The following AP4S1 variants were observed in gnomAD, a reference collection of about 807,000 sequenced individuals.
The protein encoded by AP4S1 is AP-4 complex subunit sigma-1.
In AP4S1, 23 loss-of-function variants were observed where a neutral mutation model predicts 19.8. The observed-to-expected ratio is 1.16, with a 90% CI of 0.84 to 1.65. The LOEUF (loss-of-function observed/expected upper bound fraction) is 1.65. Among genes scored for constraint, AP4S1 ranks in the 40% most tolerant of loss-of-function variants. The pLI is 0.00. For synonymous variants in AP4S1, 46 were observed against 54.1 expected (o/e 0.85, Z 0.66); for missense variants, 166 against 172.8 (o/e 0.96, Z 0.22).
chr14:31,033,929 T>C (rs1884565760), intron 1 of AP4S1, among the ~76,000 whole-genome samples: 1 of 152,216 alleles, frequency 6.6e-6, no homozygotes, highest in Non-Finnish European at 1.5e-5. Context: ...GTTTAATAGC[T>C]AACTCATAGA....
At position 31,044,046 on chromosome 14, in the gene AP4S1, G is replaced by A. The variant is rs1057125468; in HGVS notation, c.-72+18259G>A. Among the ~76,000 whole-genome samples, 70 of 152,232 alleles carry A rather than the reference G, an allele frequency of 4.6e-4. 1 individual carries two copies. The highest frequency in any genetic ancestry group is 1.6e-3 in the African/African-American group (66 of 41,544). On this transcript the variant is annotated intron_variant, in intron 1 of 5. Coordinates refer to ENST00000542754, the MANE Select transcript of AP4S1 (RefSeq NM_001128126.3). ...AGGGTAAACATTTATTTTACAGCTA[G>A]ATAACTTTGTAAAATTATATAATTT...
At chr14:31,055,118 A>G (rs911840722) in intron 1 of AP4S1, among the ~76,000 whole-genome samples, 1 of 149,970 alleles carries the variant, frequency 6.7e-6, no homozygotes, top group Non-Finnish European at 1.5e-5. Flanking sequence ...TATATATTAC[A>G]TTATATATAT....
intron 4 of AP4S1, among the ~76,000 whole-genome samples, chr14:31,074,426 G>A (rs1887240933): frequency 6.6e-6 from 1 of 151,990 alleles, no homozygotes. Flanking sequence ...GCCGAGGCAG[G>A]CCGATCATGA....
At chr14:31,058,529 G>C (rs946863790) in intron 1 of AP4S1, among the ~76,000 whole-genome samples, 43 of 10,790 alleles carry the variant, frequency 4.0e-3, no homozygotes, top group African/African-American at 8.8e-3. Flanking sequence ...GTGTGTGTAT[G>C]TGTGTGTGTG....
rs141685117 is a variant in AP4S1, at chr14:31,056,446, C to T, written c.-71-9680C>T. Among the ~76,000 whole-genome samples the T allele has an allele frequency of 9.2e-4, 140 of 152,144 alleles. No homozygotes were observed. In the East Asian group the frequency reaches 0.017, roughly 19 times the overall value. ...CGATCTCAGCTCACTGCAACCTCCGCCTCCTGGGTTCGGGCGATTCTCCTG... is the reference window on the plus strand; with the variant it reads ...CGATCTCAGCTCACTGCAACCTCCGTCTCCTGGGTTCGGGCGATTCTCCTG... On this transcript the variant is annotated intron_variant, in intron 1 of 5. Transcript: ENST00000542754.
intron 3 of AP4S1, among the ~76,000 whole-genome samples, chr14:31,071,958 G>A (rs981570933): frequency 1.3e-5 from 2 of 149,790 alleles, no homozygotes; most frequent in African/African-American, 4.9e-5. Flanking sequence ...GTCTCGCTAT[G>A]TCACTCAGGT....
intron 1 of AP4S1, among the ~76,000 whole-genome samples, chr14:31,032,452 GAT>G (rs1234613581): frequency 6.6e-6 from 1 of 151,872 alleles, no homozygotes; most frequent in Non-Finnish European, 1.5e-5. Context: ...TACAATACCT[GAT>G]GTTCAAAGAG....
intron 1 of AP4S1, among the ~76,000 whole-genome samples, chr14:31,055,891 T>G (rs1260490170): frequency 6.6e-6 from 1 of 152,044 alleles, no homozygotes; most frequent in Non-Finnish European, 1.5e-5. Context: ...TTACCCAGGC[T>G]GGAGTGCAGT....
At chr14:31,075,379 A>G (rs1887299187) in intron 4 of AP4S1, among the ~76,000 whole-genome samples, 1 of 152,144 alleles carries the variant, frequency 6.6e-6, no homozygotes, top group African/African-American at 2.4e-5. Flanking sequence ...TTATGGCTGA[A>G]TAGTATTCCA....
intron 5 of AP4S1, among the ~76,000 whole-genome samples, chr14:31,084,439 G>C (rs1887817688): frequency 6.6e-6 from 1 of 152,236 alleles, no homozygotes; most frequent in South Asian, 2.1e-4. Flanking sequence ...GAGCAAGACA[G>C]ATTGGATTTT....
chr14:31,026,553 C>A (rs993091446), intron 1 of AP4S1: 37 of 192,978 alleles, frequency 1.9e-4, no homozygotes, highest in Admixed American at 1.7e-3. Flanking sequence ...CGCCGGCGCA[C>A]TGAGAACGCA....
At chr14:31,026,678 C>T (rs1883991899) in intron 1 of AP4S1, 1 of 153,628 alleles carries the variant, frequency 6.5e-6, no homozygotes, top group Non-Finnish European at 1.4e-5. Flanking sequence ...CCGACTCTGA[C>T]TTTTGGAAGC....
intron 1 of AP4S1, among the ~76,000 whole-genome samples, chr14:31,035,138 T>C (rs75302768): frequency 0.018 from 2,705 of 151,606 alleles, 72 homozygotes; most frequent in African/African-American, 0.061. Flanking sequence ...TTTTTGCTTC[T>C]TTTTTTTAGC....
At chr14:31,089,817 G>T (rs1056479295) in intron 5 of AP4S1, among the ~76,000 whole-genome samples, 2 of 152,050 alleles carry the variant, frequency 1.3e-5, no homozygotes, top group African/African-American at 4.8e-5. Context: ...TACTCAGGAG[G>T]CTGAGGCACA....
intron 1 of AP4S1, among the ~76,000 whole-genome samples, chr14:31,034,785 A>ATT: frequency 7.2e-6 from 1 of 139,710 alleles, no homozygotes; most frequent in East Asian, 2.1e-4. Flanking sequence ...GACCAGCTAA[A>ATT]TTTTTTTTTT....
intron 1 of AP4S1, chr14:31,026,402 A>T (rs1390015713): frequency 2.3e-4 from 6 of 25,948 alleles, no homozygotes; most frequent in Admixed American, 5.8e-4. Flanking sequence ...CACTCACTTT[A>T]GGGGAAGGGG....
At chr14:31,079,661 A>G (rs1887536389) in intron 4 of AP4S1, among the ~76,000 whole-genome samples, 1 of 152,058 alleles carries the variant, frequency 6.6e-6, no homozygotes, top group Non-Finnish European at 1.5e-5. Context: ...CCCCGTCTCT[A>G]CAAAAAATAC....
intron 2 of AP4S1, among the ~76,000 whole-genome samples, chr14:31,067,206 C>G (rs907611625): frequency 2.8e-5 from 1 of 35,996 alleles, no homozygotes; most frequent in African/African-American, 8.0e-5. Flanking sequence ...AAAACTCTGT[C>G]TCAAAAAAAA....
intron 2 of AP4S1, among the ~76,000 whole-genome samples, chr14:31,067,035 G>A (rs1886755232): frequency 6.6e-6 from 1 of 152,120 alleles, no homozygotes; most frequent in African/African-American, 2.4e-5. Context: ...AGAAGTTCAA[G>A]ACCAGCCTGG....
Sources: gnomAD v4.1 joint callset for allele counts (sites outside exome capture counted in the v4.1 genomes callset) on GRCh38, gnomAD v4.1.1 for gene constraint, MANE v1.5 for transcripts, NCBI Gene and HGNC (gene_info 2026-07-23, HGNC 2026-07-21) for gene names.